MERTK: variants seen among roughly 807,000 people sequenced by gnomAD.
MERTK encodes tyrosine-protein kinase Mer.
In MERTK, 69 loss-of-function variants were observed where a neutral mutation model predicts 99.3. The ratio of observed to expected loss-of-function variants is 0.70; its 90% CI spans 0.57 to 0.85. MERTK has a LOEUF of 0.85. Among genes scored for constraint, MERTK ranks in the 40% least tolerant of loss-of-function variants. The probability of loss-of-function intolerance (pLI) is 0.00; values close to 1 mark genes in which losing one functional copy is unlikely to be tolerated. For synonymous variants in MERTK, 426 were observed against 467.6 expected, an observed-to-expected ratio of 0.91 and a Z score of 1.15; for missense variants, 1,125 against 1,249.4, an observed-to-expected ratio of 0.90 and a Z score of 1.50.
In MERTK at chr2:111,943,068, G is replaced by A. The variant is rs948381038; in HGVS notation, c.483-1892G>A. On this transcript the variant is annotated intron_variant, in intron 2 of 18. Transcript: ENST00000295408. ...GTCTGCTCCAGATGCTAACCAGGCTGTGCTATCCTCTGGCAGCTGCCACCC... is the reference window on the plus strand; with the variant it reads ...GTCTGCTCCAGATGCTAACCAGGCTATGCTATCCTCTGGCAGCTGCCACCC... Among the ~76,000 whole-genome samples, 3 of 152,348 alleles carry A rather than the reference G, an allele frequency of 2.0e-5. No homozygotes were observed. The East Asian group carries it at 5.8e-4, about 29-fold the overall frequency.
Position 111,982,885 on chromosome 2 carries a change from A to T in MERTK, c.1188A>T (p.Glu396Asp), listed in dbSNP as rs1237438827. 1.2e-6 allele frequency: 2 copies of T among 1,614,014 alleles called. No individual in the cohort carries two copies. The highest frequency in any genetic ancestry group is 1.7e-6 in the Non-Finnish European group (2 of 1,180,036). ...APLNVTVFLN[E>D]SSDNVDIRWM... ...TAAATGTCACTGTGTTTCTGAATGA[A>T]TCTAGTGATAATGTGGACATCAGAT... The change falls in exon 8 of 19, where the codon GAA becomes GAT. Residue 396 changes from glutamate to aspartate, a missense_variant. Coordinates refer to ENST00000295408, the MANE Select transcript of MERTK (RefSeq NM_006343.3).
rs570490197 is a variant in MERTK, at chr2:111,968,808, C to T, written c.960+556C>T. ...CCTCCCAAAGTACTGGGATTACAGGCGTGAGCCACCACGCCCAGCCAAGAC... is the reference window on the plus strand; with the variant it reads ...CCTCCCAAAGTACTGGGATTACAGGTGTGAGCCACCACGCCCAGCCAAGAC... On this transcript the variant is annotated intron_variant, in intron 6 of 18. Coordinates refer to ENST00000295408, the MANE Select transcript of MERTK (RefSeq NM_006343.3). Among the ~76,000 whole-genome samples the T allele has an allele frequency of 1.4e-3, 215 of 152,028 alleles. 1 individual carries two copies. Among genetic ancestry groups the T allele is most frequent in the African/African-American group, 4.6e-3 (191 of 41,452 alleles).
intron 15 of MERTK, among the ~76,000 whole-genome samples, chr2:112,015,476 C>G (rs974107840): frequency 6.6e-6 from 1 of 152,090 alleles, no homozygotes; most frequent in Non-Finnish European, 1.5e-5. Flanking sequence ...TCCTTACATC[C>G]GCTTTGATGA....
intron 4 of MERTK, among the ~76,000 whole-genome samples, chr2:111,958,817 AC>A (rs1221585910): frequency 4.6e-5 from 7 of 152,228 alleles, no homozygotes; most frequent in African/African-American, 1.7e-4. Context: ...ATAGGATCCT[AC>A]TATAGGTTCT....
intron 10 of MERTK, 143 bp downstream of exon 10, chr2:111,997,619 C>A: frequency 1.0e-6 from 1 of 979,740 alleles, no homozygotes; most frequent in Non-Finnish European, 1.6e-6. Flanking sequence ...GCTCAGGCAG[C>A]TTCCTGACTT....
At position 111,898,617 on chromosome 2, in the gene MERTK, C is replaced by T. The variant is rs1224407714; in HGVS notation, c.-119C>T. The T allele has an allele frequency of 8.4e-5, 105 of 1,252,564 alleles. No homozygotes were observed. Among genetic ancestry groups the T allele is most frequent in the Non-Finnish European group, 1.1e-4 (100 of 882,274 alleles). 77.6% of individuals were successfully genotyped at this position (1,252,564 alleles called of 1,614,324 possible). A position where few individuals can be genotyped will look rare whatever the true frequency, so the allele number is the denominator to read the frequency against. ...CCGCTTGGCTCCGCCACTCGGCACT[C>T]ACTGCCCGGGCCGCCCGGACAGGGA... On this transcript the variant is annotated 5_prime_UTR_variant, in exon 1 of 19. Transcript: ENST00000295408.
At chr2:111,913,491 T>C (rs962613602) in intron 1 of MERTK, among the ~76,000 whole-genome samples, 1 of 152,212 alleles carries the variant, frequency 6.6e-6, no homozygotes, top group Non-Finnish European at 1.5e-5. Context: ...CTTGATAAAA[T>C]AACTTATTTG....
At chr2:112,002,690 G>A (rs530915949) in intron 11 of MERTK, among the ~76,000 whole-genome samples, 19 of 152,230 alleles carry the variant, frequency 1.2e-4, no homozygotes, top group African/African-American at 4.6e-4. Flanking sequence ...AATGAAAAAA[G>A]GGGCCGGCTA....
chr2:111,957,903 G>T (rs1265511956), intron 4 of MERTK, among the ~76,000 whole-genome samples: 2 of 152,208 alleles, frequency 1.3e-5, no homozygotes, highest in Non-Finnish European at 2.9e-5. Context: ...AGAACTCAAA[G>T]AACTGGCTCA....
chr2:112,015,663 T>C lies in MERTK; in HGVS notation c.2080-3750T>C, dbSNP rs1457783998. The C allele has an allele frequency of 2.6e-5, 4 of 152,174 alleles. No homozygotes were observed. The East Asian group carries it at 7.7e-4, about 29-fold the overall frequency. The allele number at this position is 152,174 out of a possible 1,614,324, so 9.4% of individuals were successfully genotyped here. ...CATTCTCTTAACACGGGCAAAAATA[T>C]TTTAATTTTGATAAAGCCCAATTTA... On this transcript the variant is annotated intron_variant, in intron 15 of 18. Transcript: ENST00000295408.
At chr2:111,935,638 CGT>C (rs55986780) in intron 2 of MERTK, among the ~76,000 whole-genome samples, 17,021 of 139,544 alleles carry the variant, frequency 0.12, 1,198 homozygotes, top group African/African-American at 0.21. Flanking sequence ...GGTCTTGGCT[CGT>C]GTGTGTGTGT....
chr2:111,997,671 C>T (rs1676779137), intron 10 of MERTK, among the ~76,000 whole-genome samples, 195 bp downstream of exon 10: 1 of 152,208 alleles, frequency 6.6e-6, no homozygotes, highest in South Asian at 2.1e-4. Context: ...AAAGCCAGGC[C>T]TGAAAAGGGT....
At chr2:111,955,844 A>G (rs1345129538) in intron 4 of MERTK, among the ~76,000 whole-genome samples, 1 of 152,128 alleles carries the variant, frequency 6.6e-6, no homozygotes, top group Non-Finnish European at 1.5e-5. Flanking sequence ...CTTTAGCTTC[A>G]TGGTGTTCAA....
chr2:111,986,803 T>G (rs143648972), intron 8 of MERTK, among the ~76,000 whole-genome samples: 48 of 152,360 alleles, frequency 3.2e-4, no homozygotes, highest in African/African-American at 1.1e-3. Flanking sequence ...TTACACTATA[T>G]TTTATGCATC....
chr2:111,950,211 C>T (rs1685031191), intron 4 of MERTK, among the ~76,000 whole-genome samples: 1 of 152,308 alleles, frequency 6.6e-6, no homozygotes, highest in South Asian at 2.1e-4. Context: ...GCTGGGATTA[C>T]AGGCATAAGC....
At chr2:111,914,065 G>C (rs72938431) in intron 1 of MERTK, among the ~76,000 whole-genome samples, 5,094 of 146,498 alleles carry the variant, frequency 0.035, 291 homozygotes, top group African/African-American at 0.12. Context: ...TTAAGTTGAG[G>C]ATGTGCCCCT....
At chr2:111,959,730 A>G (rs907287465) in intron 4 of MERTK, among the ~76,000 whole-genome samples, 1 of 152,098 alleles carries the variant, frequency 6.6e-6, no homozygotes, top group Non-Finnish European at 1.5e-5. Context: ...TCTGGACTCA[A>G]GCAATCCTCC....
intron 8 of MERTK, among the ~76,000 whole-genome samples, chr2:111,987,794 T>C (rs150744012): frequency 4.6e-5 from 7 of 152,278 alleles, no homozygotes; most frequent in African/African-American, 1.7e-4. Flanking sequence ...AGAAAATAAC[T>C]CTGTTTAACT....
chr2:111,982,708 T>C, intron 7 of MERTK, 134 bp from the exon 8 acceptor site: 2 of 936,224 alleles, frequency 2.1e-6, no homozygotes, highest in Non-Finnish European at 3.4e-6. Context: ...AAGGTGAAAA[T>C]GTGCTATAAG....
Sources: allele counts gnomAD v4.1 joint callset (sites outside exome capture counted in the v4.1 genomes callset), GRCh38; gene constraint gnomAD v4.1.1; transcripts MANE v1.5; gene names NCBI Gene and HGNC (gene_info 2026-07-23, HGNC 2026-07-21).